The following DNM3 variants were observed in gnomAD, a reference collection of about 807,000 sequenced individuals.
DNM3 encodes the protein dynamin 3.
DNM3 carries 47 observed loss-of-function variants against 101.6 expected under a neutral mutation model. That is an observed-to-expected ratio of 0.46 (90% confidence interval 0.37 to 0.59). The LOEUF (loss-of-function observed/expected upper bound fraction) is 0.59. DNM3 is among the 20% of genes least tolerant of loss of function. The pLI is 0.00. For missense variants in DNM3, 849 were observed against 1,085.7 expected (o/e 0.78, Z 3.06); for synonymous variants, 385 against 387.9 (o/e 0.99, Z 0.09).
chr1:171,933,452 A>AAACC (rs1417838804), intron 2 of DNM3, among the ~76,000 whole-genome samples: 1 of 152,238 alleles, frequency 6.6e-6, no homozygotes, highest in African/African-American at 2.4e-5. Flanking sequence ...AGGTGGAGAG[A>AAACC]AACCAACAAT....
intron 10 of DNM3, among the ~76,000 whole-genome samples, chr1:172,065,630 C>T (rs1050684153): frequency 2.0e-5 from 3 of 152,144 alleles, no homozygotes; most frequent in South Asian, 2.1e-4. Context: ...TTGTATCTTG[C>T]GGTAATTCAT....
At chr1:172,352,743 C>G (rs1363170608) in intron 17 of DNM3, among the ~76,000 whole-genome samples, 1 of 152,142 alleles carries the variant, frequency 6.6e-6, no homozygotes, top group Non-Finnish European at 1.5e-5. Context: ...GAAGATACAG[C>G]TCAAAGCAAT....
At chr1:171,892,526 T>C (rs1038818891) in intron 1 of DNM3, among the ~76,000 whole-genome samples, 2 of 152,234 alleles carry the variant, frequency 1.3e-5, no homozygotes, top group Non-Finnish European at 2.9e-5. Context: ...TTCTAATTCA[T>C]CACCACATGG....
Position 172,409,062 on chromosome 1 carries a change from A to G in DNM3, c.*1221A>G, listed in dbSNP as rs2071071538. On this transcript the variant is annotated 3_prime_UTR_variant, in exon 21 of 21. Transcript: ENST00000627582. ...TTTCTTAAGATTTCTAAAATTTACC[A>G]GAACAGTTTAGCCTGGGGGTTAATA... 1 of 985,300 alleles carries G rather than the reference A, an allele frequency of 1.0e-6. No individual in the cohort carries two copies. Among genetic ancestry groups the G allele is most frequent in the Non-Finnish European group, 1.2e-6 (1 of 829,898 alleles). The allele number at this position is 985,300 out of a possible 1,614,324, so 61.0% of individuals were successfully genotyped here. A position where few individuals can be genotyped will look rare whatever the true frequency, so the allele number is the denominator to read the frequency against.
intron 10 of DNM3, among the ~76,000 whole-genome samples, chr1:172,050,391 T>G (rs1188345112): frequency 2.0e-5 from 3 of 152,164 alleles, no homozygotes; most frequent in Non-Finnish European, 4.4e-5. Context: ...CCTGTCTTCT[T>G]TACAAGGGAC....
At chr1:171,847,896 C>CTCTCTG (rs1200145388) in intron 1 of DNM3, among the ~76,000 whole-genome samples, 58 of 141,238 alleles carry the variant, frequency 4.1e-4, no homozygotes, top group African/African-American at 1.4e-3. Flanking sequence ...CTCTCTCTCT[C>CTCTCTG]TGTGTGTGTG....
intron 17 of DNM3, among the ~76,000 whole-genome samples, chr1:172,377,076 A>G (rs899744701): frequency 1.3e-5 from 2 of 151,940 alleles, no homozygotes; most frequent in Non-Finnish European, 1.5e-5. Flanking sequence ...TTTCTCCTTT[A>G]GCTCAATTAT....
Position 172,133,850 on chromosome 1 carries a change from C to T in DNM3, c.1659+2562C>T, listed in dbSNP as rs1032042169. ...GAAGTCTGTGGCTGTAACATAGGAA[C>T]AGTGGGGGAGAAAGGAGATAAAATC... On this transcript the variant is annotated intron_variant, in intron 14 of 20. Transcript: ENST00000627582. 2.2e-4 allele frequency among the ~76,000 whole-genome samples: 33 copies of T among 152,088 alleles called. 1 individual carries two copies. Among genetic ancestry groups the T allele is most frequent in the East Asian group, 1.5e-3 (8 of 5,174 alleles).
chr1:172,329,428 A>G (rs2066088434), intron 17 of DNM3, among the ~76,000 whole-genome samples: 2 of 152,282 alleles, frequency 1.3e-5, no homozygotes, highest in Admixed American at 6.5e-5. Flanking sequence ...TAGTGAAAAC[A>G]CTATACAGGC....
intron 15 of DNM3, among the ~76,000 whole-genome samples, chr1:172,295,261 C>T (rs2757490): frequency 0.1 from 15,408 of 152,108 alleles, 1,077 homozygotes; most frequent in African/African-American, 0.2. Flanking sequence ...ACTCAAAAAA[C>T]GAATCCAAGT....
intron 2 of DNM3, among the ~76,000 whole-genome samples, chr1:171,980,371 G>A (rs993482982): frequency 6.6e-6 from 1 of 151,980 alleles, no homozygotes; most frequent in Non-Finnish European, 1.5e-5. Context: ...TGATATTTCA[G>A]TATATATATA....
chr1:171,857,811 GGAGATA>G, intron 1 of DNM3, among the ~76,000 whole-genome samples: 1 of 152,164 alleles, frequency 6.6e-6, no homozygotes, highest in East Asian at 1.9e-4. Context: ...AACGATATTT[GGAGATA>G]GGGCCAATTA....
intron 13 of DNM3, among the ~76,000 whole-genome samples, chr1:172,130,556 T>A (rs1416878838): frequency 2.0e-5 from 3 of 152,224 alleles, no homozygotes; most frequent in East Asian, 1.9e-4. Context: ...GATTTAAACT[T>A]CATAGGTTTA....
chr1:172,072,190 T>A (rs927360100), intron 11 of DNM3, among the ~76,000 whole-genome samples: 1 of 152,240 alleles, frequency 6.6e-6, no homozygotes, highest in African/African-American at 2.4e-5. Context: ...ATTTGGAGTA[T>A]ACAATTTAAC....
intron 13 of DNM3, among the ~76,000 whole-genome samples, chr1:172,106,844 A>ATTATTTTTT (rs1289662689): frequency 7.8e-5 from 4 of 51,060 alleles, no homozygotes; most frequent in Non-Finnish European, 1.2e-4. Context: ...AGGTAACATT[A>ATTATTTTTT]TTCTTTTTTT....
At chr1:172,265,161 A>G (rs1032784285) in intron 15 of DNM3, among the ~76,000 whole-genome samples, 4 of 151,992 alleles carry the variant, frequency 2.6e-5, no homozygotes, top group African/African-American at 9.7e-5. Flanking sequence ...TTCAGTTGCT[A>G]TTTCAGCTTT....
In DNM3 at chr1:172,411,141, T is replaced by G. The variant is rs1341858670; in HGVS notation, c.*3300T>G. ...GTAAATATCTATGTATACATGTACT[T>G]AGTATGTGTGGTATCAGGATATTTT... On this transcript the variant is annotated 3_prime_UTR_variant, in exon 21 of 21. Coordinates refer to ENST00000627582, the MANE Select transcript of DNM3 (RefSeq NM_015569.5). 12 of 984,704 alleles carry G rather than the reference T, an allele frequency of 1.2e-5. No individual in the cohort carries two copies. The highest frequency in any genetic ancestry group is 1.7e-5 in the African/African-American group (1 of 57,208). 61.0% of individuals were successfully genotyped at this position (984,704 alleles called of 1,614,324 possible).
intron 1 of DNM3, 45 bp downstream of exon 1, chr1:171,841,862 C>G: frequency 6.4e-7 from 1 of 1,573,068 alleles, no homozygotes; most frequent in Non-Finnish European, 8.6e-7. Flanking sequence ...GTGGGGCGAC[C>G]CCGCTGCGGG....
intron 8 of DNM3, among the ~76,000 whole-genome samples, chr1:172,042,797 A>G (rs2049485078): frequency 6.6e-6 from 1 of 152,200 alleles, no homozygotes; most frequent in Non-Finnish European, 1.5e-5. Context: ...TCCAGTTCAC[A>G]CAAAGCTTTC....
Sources: allele counts gnomAD v4.1 joint callset (sites outside exome capture counted in the v4.1 genomes callset), GRCh38; gene constraint gnomAD v4.1.1; transcripts MANE v1.5; gene names NCBI Gene and HGNC (gene_info 2026-07-23, HGNC 2026-07-21).